Variants in PKD2 observed in about 807,000 individuals in gnomAD.
PKD2 encodes the protein polycystin-2.
PKD2 carries 48 observed loss-of-function variants against 105.9 expected under a neutral mutation model. That is an observed-to-expected ratio of 0.45 (90% CI 0.36 to 0.58). The LOEUF (loss-of-function observed/expected upper bound fraction) is 0.58, where lower values mean the gene tolerates loss of function less well. PKD2 is among the 20% of genes least tolerant of loss of function. PKD2 has a pLI of 0.00. For synonymous variants in PKD2, 464 were observed against 481.1 expected (o/e 0.96, Z 0.46); for missense variants, 1,078 against 1,255.3 (o/e 0.86, Z 2.13).
chr4:88,054,849 T>A (rs1394591999), intron 7 of PKD2, among the ~76,000 whole-genome samples: 1 of 150,804 alleles, frequency 6.6e-6, no homozygotes, highest in African/African-American at 2.4e-5. Context: ...AGAGACGGGG[T>A]TTCACCGTGT....
In PKD2 at chr4:88,076,517, C is replaced by T. The variant is rs1721239749; in HGVS notation, c.*823C>T. 6.6e-6 allele frequency: 1 copy of T among 152,126 alleles called. No individual in the cohort carries two copies. The allele number at this position is 152,126 out of a possible 1,614,324, so 9.4% of individuals were successfully genotyped here. A position where few individuals can be genotyped will look rare whatever the true frequency, so the allele number is the denominator to read the frequency against. Reference sequence around the variant, plus strand: ...AGATTTATCTGCATATTCTTTTTCCCATGTGGCTCTACTCATTTGCAACTG... The same window carrying T: ...AGATTTATCTGCATATTCTTTTTCCTATGTGGCTCTACTCATTTGCAACTG... On this transcript the variant is annotated 3_prime_UTR_variant, in exon 15 of 15. Coordinates refer to ENST00000237596, the MANE Select transcript of PKD2 (RefSeq NM_000297.4).
chr4:88,070,607 G>T (rs1460504710), intron 13 of PKD2, among the ~76,000 whole-genome samples: 18 of 136,436 alleles, frequency 1.3e-4, no homozygotes, highest in South Asian at 2.2e-4. Flanking sequence ...TATATAGAGA[G>T]AGAGAGAGAG....
intron 2 of PKD2, among the ~76,000 whole-genome samples, chr4:88,023,192 A>G (rs1162045844): frequency 1.3e-5 from 2 of 152,258 alleles, no homozygotes; most frequent in African/African-American, 2.4e-5. Context: ...TAAGGGAAGC[A>G]TAGCTCCAGC....
intron 1 of PKD2, among the ~76,000 whole-genome samples, chr4:88,011,900 G>C (rs998807678): frequency 1.1e-4 from 17 of 149,746 alleles, no homozygotes; most frequent in African/African-American, 4.0e-4. Context: ...CAATGGGGGG[G>C]GGGGGGAGGG....
chr4:88,067,282 C>A (rs1003418760), intron 12 of PKD2, among the ~76,000 whole-genome samples: 2 of 152,136 alleles, frequency 1.3e-5, no homozygotes, highest in Non-Finnish European at 2.9e-5. Flanking sequence ...TTTTGAAAAT[C>A]CCAAATCCAA....
chr4:88,018,583 A>G (rs1726639675), intron 1 of PKD2, among the ~76,000 whole-genome samples: 1 of 152,298 alleles, frequency 6.6e-6, no homozygotes. Context: ...AGTAACCAGC[A>G]ATGTGACTTT....
chr4:88,037,769 C>G (rs938045800), intron 3 of PKD2, among the ~76,000 whole-genome samples: 1 of 152,082 alleles, frequency 6.6e-6, no homozygotes, highest in Admixed American at 6.5e-5. Context: ...ACTAAAGGGA[C>G]GAGGAGGGAT....
intron 4 of PKD2, among the ~76,000 whole-genome samples, chr4:88,039,511 A>G (rs1578131396): frequency 6.6e-6 from 1 of 152,114 alleles, no homozygotes; most frequent in African/African-American, 2.4e-5. Context: ...CTAAAAATAC[A>G]AAAATTAGCT....
At chr4:88,023,574 T>C (rs1485474741) in intron 2 of PKD2, among the ~76,000 whole-genome samples, 1 of 152,186 alleles carries the variant, frequency 6.6e-6, no homozygotes, top group Non-Finnish European at 1.5e-5. Context: ...CAGATTTTTT[T>C]TGCATCAGAC....
chr4:88,036,027 C>CT (rs369836372), intron 2 of PKD2, 193 bp from the exon 3 acceptor site: 1 of 784,368 alleles, frequency 1.3e-6, no homozygotes, highest in Non-Finnish European at 2.1e-6. Context: ...TTACGTATTT[C>CT]TTTTATAAGC....
At chr4:88,072,804 A>G (rs1417221159) in intron 13 of PKD2, among the ~76,000 whole-genome samples, 1 of 152,028 alleles carries the variant, frequency 6.6e-6, no homozygotes, top group Non-Finnish European at 1.5e-5. Flanking sequence ...TTGGGAGGTC[A>G]AGGCAGGAGG....
At chr4:88,025,735 C>T (rs913637318) in intron 2 of PKD2, among the ~76,000 whole-genome samples, 4 of 152,060 alleles carry the variant, frequency 2.6e-5, no homozygotes, top group Non-Finnish European at 2.9e-5. Context: ...CGTGTATTGA[C>T]GGAGGTTCCT....
intron 1 of PKD2, among the ~76,000 whole-genome samples, chr4:88,019,052 G>T (rs1726657286): frequency 6.6e-6 from 1 of 152,114 alleles, no homozygotes; most frequent in African/African-American, 2.4e-5. Flanking sequence ...TTCTTAACTG[G>T]GTTTAGTAGT....
At chr4:88,072,393 C>T (rs1049348918) in intron 13 of PKD2, among the ~76,000 whole-genome samples, 6 of 152,202 alleles carry the variant, frequency 3.9e-5, no homozygotes, top group Admixed American at 6.5e-5. Flanking sequence ...CTTGTAAATG[C>T]TTATCCCCAC....
chr4:88,062,960 T>C (rs369718691), intron 10 of PKD2, among the ~76,000 whole-genome samples: 1 of 152,220 alleles, frequency 6.6e-6, no homozygotes, highest in Admixed American at 6.5e-5. Context: ...AGTTTTGTTA[T>C]GTAACACCAC....
intron 2 of PKD2, among the ~76,000 whole-genome samples, chr4:88,026,422 A>G (rs1239549544): frequency 6.6e-6 from 1 of 152,190 alleles, no homozygotes; most frequent in Non-Finnish European, 1.5e-5. Context: ...TAAGCACCAA[A>G]GCATTCGAGA....
In PKD2 at chr4:88,008,051, A is replaced by C. The variant is rs1361161818; in HGVS notation, c.318A>C (p.Glu106Asp). Residue 106 changes from glutamate to aspartate, a missense_variant, in exon 1 of 15, where the codon GAA (glutamate) becomes GAC (aspartate). By Grantham distance (45) the Glu-to-Asp change is conservative. This residue lies in a region of PKD2 where 210 missense variants were observed against 187.9 expected (regional missense o/e 1.12). Transcript: ENST00000237596. Reference protein sequence around the residue: ...AEEEEEEVEGEEGGMVVEMDV... With the variant: ...AEEEEEEVEGDEGGMVVEMDV... ...AGGAGGAGGAGGAGGTGGAAGGGGA[A>C]GAAGGCGGAATGGTGGTGGAGATGG... The C allele has an allele frequency of 4.6e-6, 7 of 1,521,268 alleles. No homozygotes were observed. Among genetic ancestry groups the C allele is most frequent in the Non-Finnish European group, 6.1e-6 (7 of 1,139,378 alleles). 94.2% of individuals were successfully genotyped at this position (1,521,268 alleles called of 1,614,324 possible).
intron 1 of PKD2, among the ~76,000 whole-genome samples, chr4:88,013,840 C>A (rs938681500): frequency 2.0e-5 from 3 of 152,114 alleles, no homozygotes; most frequent in Admixed American, 1.3e-4. Context: ...AGGAACAAGA[C>A]CTGTTCCTGT....
At chr4:88,065,276 A>C (rs1720748934) in intron 10 of PKD2, 98 bp from the exon 11 acceptor site, 1 of 1,038,544 alleles carries the variant, frequency 9.6e-7, no homozygotes, top group East Asian at 2.4e-5. Flanking sequence ...GCCAATGTAC[A>C]CCAGGTTTGT....
Sources: allele counts gnomAD v4.1 joint callset (sites outside exome capture counted in the v4.1 genomes callset), GRCh38; gene constraint gnomAD v4.1.1; regional missense constraint gnomAD v4.1.1; transcripts MANE v1.5; gene names NCBI Gene and HGNC (gene_info 2026-07-23, HGNC 2026-07-21).